Variants in SLC27A6 observed in about 807,000 individuals in gnomAD.
SLC27A6 encodes the protein solute carrier family 27 member 6.
A neutral mutation model predicts 63.9 loss-of-function variants in SLC27A6; 74 were observed. That is an observed-to-expected ratio of 1.16 (90% CI 0.96 to 1.40). SLC27A6 has a LOEUF of 1.40. Ranked by LOEUF, SLC27A6 falls within the 40% of genes most tolerant of loss-of-function variation. SLC27A6 has a pLI of 0.00. For missense variants in SLC27A6, 794 were observed against 732.9 expected (o/e 1.08, Z -0.96); for synonymous variants, 287 against 260.8 (o/e 1.10, Z -0.97).
intron 1 of SLC27A6, among the ~76,000 whole-genome samples, chr5:128,975,336 GT>G (rs902042209): frequency 6.6e-6 from 1 of 152,190 alleles, no homozygotes; most frequent in African/African-American, 2.4e-5. Context: ...GGGGAATAGA[GT>G]GAGACTCCAA....
At chr5:128,979,030 A>G (rs939765978) in intron 1 of SLC27A6, among the ~76,000 whole-genome samples, 1 of 152,080 alleles carries the variant, frequency 6.6e-6, no homozygotes, top group Non-Finnish European at 1.5e-5. Flanking sequence ...GGTTTGATCA[A>G]TGATTATCAT....
intron 1 of SLC27A6, 67 bp downstream of exon 1, chr5:128,966,685 T>C (rs112964842): frequency 7.3e-7 from 1 of 1,372,216 alleles, no homozygotes; most frequent in Non-Finnish European, 9.4e-7. Flanking sequence ...CCTTTTTTTT[T>C]TCTTTAGGAT....
At chr5:129,000,752 G>C (rs1396322534) in intron 4 of SLC27A6, among the ~76,000 whole-genome samples, 1 of 152,172 alleles carries the variant, frequency 6.6e-6, no homozygotes, top group East Asian at 1.9e-4. Flanking sequence ...TCACATCTAC[G>C]CATCCTTTTC....
intron 4 of SLC27A6, among the ~76,000 whole-genome samples, chr5:129,002,383 G>A (rs925917407): frequency 3.9e-5 from 6 of 152,100 alleles, no homozygotes; most frequent in Non-Finnish European, 7.4e-5. Context: ...GAACAGGATC[G>A]GTAAATAGAG....
At chr5:128,985,998 A>T (rs989049883) in intron 2 of SLC27A6, among the ~76,000 whole-genome samples, 1 of 152,196 alleles carries the variant, frequency 6.6e-6, no homozygotes, top group East Asian at 1.9e-4. Flanking sequence ...AGCAATAACA[A>T]TAATAAAACT....
chr5:128,998,388 T>A (rs909988426), intron 4 of SLC27A6, among the ~76,000 whole-genome samples: 2 of 151,282 alleles, frequency 1.3e-5, no homozygotes, highest in Non-Finnish European at 2.9e-5. Context: ...TTTTGTAGAA[T>A]GTATTTATAA....
At chr5:129,027,689 A>G (rs937997125) in intron 7 of SLC27A6, among the ~76,000 whole-genome samples, 10 of 152,104 alleles carry the variant, frequency 6.6e-5, no homozygotes, top group Non-Finnish European at 1.5e-4. Flanking sequence ...TGAAGCAGCA[A>G]AAATCCCCTT....
chr5:128,979,644 G>A (rs1750515110), intron 1 of SLC27A6, among the ~76,000 whole-genome samples: 1 of 152,094 alleles, frequency 6.6e-6, no homozygotes, highest in African/African-American at 2.4e-5. Flanking sequence ...ATTGGCAACA[G>A]GAGATGTGTT....
Position 129,002,462 on chromosome 5 carries a change from T to C in SLC27A6, c.969+11998T>C, listed in dbSNP as rs192235502. ...CCTCCATTGTTCCCTCTCTTGTTCC[T>C]TCCCTCTCTTGTTCCTTCCCTCTCT... On this transcript the variant is annotated intron_variant, in intron 4 of 9. Coordinates refer to ENST00000262462, the MANE Select transcript of SLC27A6 (RefSeq NM_001017372.3). Among the ~76,000 whole-genome samples the C allele has an allele frequency of 2.0e-3, 305 of 151,934 alleles. 3 individuals carry two copies. Among genetic ancestry groups the C allele is most frequent in the Non-Finnish European group, 1.5e-3 (105 of 67,950 alleles).
chr5:129,014,208 G>A (rs1177896900), intron 4 of SLC27A6, among the ~76,000 whole-genome samples: 1 of 152,142 alleles, frequency 6.6e-6, no homozygotes, highest in African/African-American at 2.4e-5. Flanking sequence ...ACATAATAGA[G>A]ATGCATCTCT....
intron 4 of SLC27A6, among the ~76,000 whole-genome samples, chr5:129,009,890 T>A (rs1751671904): frequency 6.6e-6 from 1 of 152,234 alleles, no homozygotes; most frequent in South Asian, 2.1e-4. Flanking sequence ...TTGCCCAGGC[T>A]GGTCTCTAAT....
At chr5:129,018,028 T>C (rs1475079017) in intron 5 of SLC27A6, among the ~76,000 whole-genome samples, 2 of 152,162 alleles carry the variant, frequency 1.3e-5, no homozygotes, top group African/African-American at 2.4e-5. Context: ...CATACATGTA[T>C]GAGGAAAGCT....
chr5:128,984,316 G>A (rs1750711807), intron 1 of SLC27A6, among the ~76,000 whole-genome samples: 1 of 152,064 alleles, frequency 6.6e-6, no homozygotes, highest in Admixed American at 6.6e-5. Flanking sequence ...TCCTCATCAA[G>A]GACCCAGTCC....
At position 129,016,383 on chromosome 5, in the gene SLC27A6, G is replaced by A. The variant is rs375546955; in HGVS notation, c.1164+304G>A. ...TGTACTCCAGCCTGGGCGACAGAGC[G>A]AGACTCTGTCTCAAAAAAAAAAAAA... is the stretch of plus-strand genomic sequence containing the variant. On this transcript the variant is annotated intron_variant, in intron 5 of 9. Coordinates refer to ENST00000262462, the MANE Select transcript of SLC27A6 (RefSeq NM_001017372.3). 2.6e-3 allele frequency among the ~76,000 whole-genome samples: 308 copies of A among 120,718 alleles called. 2 individuals are homozygous for A. Among genetic ancestry groups the A allele is most frequent in the African/African-American group, 9.7e-3 (298 of 30,758 alleles). The allele number at this position is 120,718 out of a possible 152,430, so 79.2% of individuals were successfully genotyped here.
At chr5:129,019,284 T>C (rs1751999806) in intron 5 of SLC27A6, among the ~76,000 whole-genome samples, 1 of 152,040 alleles carries the variant, frequency 6.6e-6, no homozygotes, top group Admixed American at 6.6e-5. Context: ...CTTTCTCTTT[T>C]TCTGTAGTAT....
rs1158473995 is a variant in SLC27A6 at position 129,023,619 on chromosome 5, G to A, written c.1165-1G>A. On this transcript the variant is annotated splice_acceptor_variant, in intron 5 of 9. Coordinates refer to ENST00000262462, the MANE Select transcript of SLC27A6 (RefSeq NM_001017372.3). LOFTEE classifies it high-confidence loss of function. Reference sequence around the variant, plus strand: ...TATTTGTTTGATTTTTTTTTTTGCAGCTTCTTTCCACTTTTGACTTAATAA... The same window carrying A: ...TATTTGTTTGATTTTTTTTTTTGCAACTTCTTTCCACTTTTGACTTAATAA... 3.8e-6 allele frequency: 6 copies of A among 1,578,596 alleles called. No individual in the cohort carries two copies. The highest frequency in any genetic ancestry group is 1.2e-5 in the South Asian group (1 of 86,792).
At chr5:128,994,294 A>T (rs1177969490) in intron 4 of SLC27A6, among the ~76,000 whole-genome samples, 6 of 152,228 alleles carry the variant, frequency 3.9e-5, no homozygotes. Flanking sequence ...AAGGAAATAA[A>T]TACAGCTTTA....
chr5:129,005,974 C>T (rs1462035206), intron 4 of SLC27A6, among the ~76,000 whole-genome samples: 1 of 151,326 alleles, frequency 6.6e-6, no homozygotes, highest in African/African-American at 2.4e-5. Context: ...CAGATTGGGC[C>T]CCTGCAGGCT....
rs535884186 is a variant in SLC27A6, at chr5:129,024,083, T to C, written c.1255+373T>C. Among the ~76,000 whole-genome samples the C allele has an allele frequency of 5.9e-5, 9 of 152,150 alleles. No homozygotes were observed. In the East Asian group the frequency reaches 1.7e-3, roughly 29 times the overall value. On this transcript the variant is annotated intron_variant, in intron 6 of 9. Transcript: ENST00000262462. ...GATATGGAGGGCCCACTGTGATTAT[T>C]AGTGAATTTAAAAAGGAGAGGATGA... is the stretch of plus-strand genomic sequence containing the variant.
Sources: allele counts gnomAD v4.1 joint callset (sites outside exome capture counted in the v4.1 genomes callset), GRCh38; gene constraint gnomAD v4.1.1; transcripts MANE v1.5; gene names NCBI Gene and HGNC (gene_info 2026-07-23, HGNC 2026-07-21).